PSG6: variants seen among roughly 807,000 people sequenced by gnomAD.
The protein encoded by PSG6 is pregnancy specific beta-1-glycoprotein 6.
Under a neutral mutation model 43.3 loss-of-function variants are expected in PSG6, and 51 were observed. The observed-to-expected ratio is 1.18, with a 90% CI of 0.94 to 1.49. The LOEUF is 1.49. PSG6 is among the 40% of genes most tolerant of loss of function. PSG6 has a pLI of 0.00. For synonymous variants in PSG6, 292 were observed against 197.6 expected (o/e 1.48, Z -4.01); for missense variants, 770 against 522.2 (o/e 1.47, Z -4.62).
rs1019753404 is a variant in PSG6, at chr19:42,904,747, A to G, written c.1240+2175T>C. Reference sequence around the variant, plus strand: ...GAGCTGCAGATTCAATACAATTCCTATCAGAATCTCAGTGACATTTTTGCA... The same window carrying G: ...GAGCTGCAGATTCAATACAATTCCTGTCAGAATCTCAGTGACATTTTTGCA... On this transcript the variant is annotated intron_variant, in intron 5 of 5. Coordinates refer to ENST00000187910, the MANE Select transcript of PSG6 (RefSeq NM_001031850.4). Among the ~76,000 whole-genome samples, 23 of 151,646 alleles carry G rather than the reference A, an allele frequency of 1.5e-4. 1 individual carries two copies. The highest frequency in any genetic ancestry group is 5.1e-4 in the African/African-American group (21 of 41,316).
chr19:42,902,551 A>G, intron 5 of PSG6, 105 bp from the exon 6 acceptor site: 3 of 1,487,436 alleles, frequency 2.0e-6, no homozygotes, highest in Admixed American at 1.9e-5. Flanking sequence ...AAGCAAGTCT[A>G]GTTCTCCGAG....
chr19:42,914,964 A>G (rs564817581), intron 2 of PSG6, among the ~76,000 whole-genome samples: 42 of 151,718 alleles, frequency 2.8e-4, no homozygotes, highest in Admixed American at 1.4e-3. Flanking sequence ...GGTTGAAGCC[A>G]GTGATTTAGT....
rs766597376 is a variant in PSG6 at position 42,910,565 on chromosome 19, A to G, written c.706+15T>C. On this transcript the variant is annotated intron_variant, in intron 3 of 5. Coordinates refer to ENST00000187910, the MANE Select transcript of PSG6 (RefSeq NM_001031850.4). ...GGATGGCAGCCTGGCTCACAGAGGA[A>G]CAGAAGATACTCACGGAGGAGATTC... 2.1e-5 allele frequency: 34 copies of G among 1,612,430 alleles called. 2 individuals carry two copies. The highest frequency in any genetic ancestry group is 1.5e-4 in the South Asian group (14 of 90,646).
In PSG6 at chr19:42,916,386, G is replaced by C; in HGVS notation, c.166C>G (p.His56Asp). 6.2e-7 allele frequency: 1 copy of C among 1,612,128 alleles called. No homozygotes were observed. Among genetic ancestry groups the C allele is most frequent in the Non-Finnish European group, 8.5e-7 (1 of 1,179,160 alleles). ...CCAGTAAGATTCTGGGGCAAATTGT[G>C]GACAAGTAGAAGAACATCCTTCCCC... ...SEGKDVLLLV[H>D]NLPQNLTGYI... Residue 56 changes from histidine to aspartate, a missense_variant, in exon 2 of 6, where the codon CAC becomes GAC. His to Asp is a moderately conservative substitution (Grantham distance 81). Transcript: ENST00000187910.
In PSG6 at chr19:42,907,051, A is replaced by G. The variant is rs773877588; in HGVS notation, c.1111T>C (p.Phe371Leu). 1.2e-5 allele frequency: 19 copies of G among 1,612,526 alleles called. No homozygotes were observed. The highest frequency in any genetic ancestry group is 1.6e-5 in the Non-Finnish European group (19 of 1,179,244). Residue 371 changes from phenylalanine to leucine, a missense_variant, in exon 5 of 6, where the codon TTT (phenylalanine) becomes CTT (leucine). Physicochemically the swap from Phe to Leu is conservative, Grantham distance 22 (BLOSUM62 0). Transcript: ENST00000187910. ...AEYSWTINGK[F>L]QLSGQKLFIP... ...AAGAGCTTTTGTCCTGATAGCTGAA[A>G]CTTCCCATTAATTGTCCAAGAATAC... is the stretch of plus-strand genomic sequence containing the variant.
At position 42,908,769 on chromosome 19, in the gene PSG6, A is replaced by G. The variant is rs536707382; in HGVS notation, c.707-915T>C. ...TGGATATGAGACAAATTTGGAGAGA[A>G]GTTTTGCAAATATTTTCTTTCATTG... On this transcript the variant is annotated intron_variant, in intron 3 of 5. Transcript: ENST00000187910. Among the ~76,000 whole-genome samples, 45 of 151,812 alleles carry G rather than the reference A, an allele frequency of 3.0e-4. 2 individuals carry two copies. In the East Asian group the frequency reaches 3.5e-3, roughly 12 times the overall value.
chr19:42,916,343 C>G lies in PSG6; in HGVS notation c.209G>C (p.Gly70Ala), dbSNP rs1433635541. The G allele has an allele frequency of 6.2e-7, 1 of 1,612,056 alleles. No individual in the cohort carries two copies. The highest frequency in any genetic ancestry group is 1.3e-5 in the African/African-American group (1 of 74,744). Residue 70 changes from glycine to alanine, a missense_variant, in exon 2 of 6, where the codon GGG (glycine) becomes GCG (alanine). Transcript: ENST00000187910. ...GTAATGGTAGAGGTCCGTCATTTGC[C>G]CTTTGTACCAGATGTAGCCAGTAAG... Reference protein sequence around the residue: ...QNLTGYIWYKGQMTDLYHYIT... With the variant: ...QNLTGYIWYKAQMTDLYHYIT...
chr19:42,908,382 A>G (rs750961497), intron 3 of PSG6, among the ~76,000 whole-genome samples: 33 of 151,792 alleles, frequency 2.2e-4, no homozygotes, highest in African/African-American at 2.7e-4. Flanking sequence ...TAACACAGGG[A>G]AGACCAGAGT....
chr19:42,916,183 G>T lies in PSG6; in HGVS notation c.369C>A (p.Ile123=), dbSNP rs187036089. Residue 123 remains isoleucine (I), a synonymous_variant, in exon 2 of 6, where the codon ATC becomes ATA. Coordinates refer to ENST00000187910, the MANE Select transcript of PSG6 (RefSeq NM_001031850.4). ...CTCCAGTCCCATCGCCTCGCTTTAT[G>T]ATGTGTAAGGTGTAGGATCCTGCAT... ...QEDAGSYTLH[I]IKRGDGTGGV... is the part of the protein sequence containing the mutation. 36 of 1,612,168 alleles carry T rather than the reference G, an allele frequency of 2.2e-5. No homozygotes were observed. Among genetic ancestry groups the T allele is most frequent in the Non-Finnish European group, 2.8e-5 (33 of 1,179,050 alleles).
chr19:42,902,298 A>T lies in PSG6; in HGVS notation c.*114T>A. ...CATTTTCCAATAAAAAATTATGAAA[A>T]CATTATCCTTTTGATTATTTAGTCC... is the stretch of plus-strand genomic sequence containing the variant. On this transcript the variant is annotated 3_prime_UTR_variant, in exon 6 of 6. Coordinates refer to ENST00000187910, the MANE Select transcript of PSG6 (RefSeq NM_001031850.4). The T allele has an allele frequency of 1.6e-6, 2 of 1,270,590 alleles. No homozygotes were observed. The highest frequency in any genetic ancestry group is 2.2e-6 in the Non-Finnish European group (2 of 923,044). The allele number at this position is 1,270,590 out of a possible 1,614,324, so 78.7% of individuals were successfully genotyped here.
intron 3 of PSG6, chr19:42,910,363 A>C: frequency 2.5e-6 from 3 of 1,222,956 alleles, no homozygotes; most frequent in Non-Finnish European, 3.4e-6. Context: ...CAAGCTGTGG[A>C]ACCTGAGTCT....
chr19:42,917,660 TCTCCAGGATACCC>T, intron 1 of PSG6, 56 bp downstream of exon 1: 1 of 1,589,540 alleles, frequency 6.3e-7, no homozygotes, highest in Non-Finnish European at 8.6e-7. Context: ...AACCCCATCC[TCTCCAGGATACCC>T]CATCCAGTCA....
At chr19:42,904,722 G>C (rs1639256186) in intron 5 of PSG6, among the ~76,000 whole-genome samples, 2 of 151,576 alleles carry the variant, frequency 1.3e-5, no homozygotes, top group Admixed American at 6.6e-5. Flanking sequence ...TGCCCAAAGT[G>C]AGCTGCAGAT....
rs1433635541 is a variant in PSG6 at position 42,916,343 on chromosome 19, C to T, written c.209G>A (p.Gly70Glu). The T allele has an allele frequency of 2.5e-6, 4 of 1,612,056 alleles. No homozygotes were observed. The highest frequency in any genetic ancestry group is 3.4e-6 in the Non-Finnish European group (4 of 1,179,126). Reference protein sequence around the residue: ...QNLTGYIWYKGQMTDLYHYIT... With the variant: ...QNLTGYIWYKEQMTDLYHYIT... ...GTAATGGTAGAGGTCCGTCATTTGC[C>T]CTTTGTACCAGATGTAGCCAGTAAG... Residue 70 changes from glycine to glutamate, a missense_variant, in exon 2 of 6, where the codon GGG becomes GAG. Physicochemically the swap from Gly to Glu is moderately conservative, Grantham distance 98 (BLOSUM62 -2). Transcript: ENST00000187910.
At position 42,907,647 on chromosome 19, in the gene PSG6, C is replaced by T. The variant is rs1200772435; in HGVS notation, c.914G>A (p.Gly305Glu). 1 of 1,611,470 alleles carries T rather than the reference C, an allele frequency of 6.2e-7. No homozygotes were observed. Among genetic ancestry groups the T allele is most frequent in the African/African-American group, 1.3e-5 (1 of 74,718 alleles). ...GTCCCGTATTTCACATTGATAGGGT[C>T]CTGTTTCATTTCTCGTGACACTGGG... ...ILPSVTRNET[G>E]PYQCEIRDRY... The change falls in exon 4 of 6, where the codon GGA (glycine) becomes GAA (glutamate). Residue 305 changes from glycine (G) to glutamate (E), a missense_variant. Gly to Glu is a moderately conservative substitution (Grantham distance 98). Transcript: ENST00000187910.
chr19:42,909,219 C>T (rs370762758), intron 3 of PSG6, among the ~76,000 whole-genome samples: 1 of 151,414 alleles, frequency 6.6e-6, no homozygotes, highest in African/African-American at 2.4e-5. Flanking sequence ...TTTTTTCTCT[C>T]ACCATGTTTC....
At position 42,902,093 on chromosome 19, in the gene PSG6, G is replaced by C; in HGVS notation, c.*319C>G. ...AAGAGAGCAGATTCTTACTGAACTT[G>C]TGCAAATAACTTTATTACCATAAAC... On this transcript the variant is annotated 3_prime_UTR_variant, in exon 6 of 6. Transcript: ENST00000187910. 3.9e-6 allele frequency: 1 copy of C among 256,440 alleles called. No homozygotes were observed. The highest frequency in any genetic ancestry group is 7.6e-6 in the Non-Finnish European group (1 of 132,284). The allele number at this position is 256,440 out of a possible 1,614,324, so 15.9% of individuals were successfully genotyped here.
At chr19:42,907,991 A>G (rs1972151711) in intron 3 of PSG6, 137 bp from the exon 4 acceptor site, 4 of 1,336,240 alleles carry the variant, frequency 3.0e-6, no homozygotes, top group Non-Finnish European at 4.1e-6. Context: ...GTGTCACAAG[A>G]CAGATGTATG....
chr19:42,912,873 T>C (rs1364436542), intron 2 of PSG6, among the ~76,000 whole-genome samples: 1 of 151,676 alleles, frequency 6.6e-6, no homozygotes, highest in Non-Finnish European at 1.5e-5. Flanking sequence ...AGATAGGACC[T>C]ACCTGGCCAC....
Sources: allele counts gnomAD v4.1 joint callset (sites outside exome capture counted in the v4.1 genomes callset), GRCh38; gene constraint gnomAD v4.1.1; transcripts MANE v1.5; gene names NCBI Gene and HGNC (gene_info 2026-07-23, HGNC 2026-07-21).